ECHDC1: variants seen among roughly 807,000 people sequenced by gnomAD.
The protein encoded by ECHDC1 is ethylmalonyl-CoA decarboxylase 1, also known as ethylmalonyl-CoA decarboxylase.
In ECHDC1, 29 loss-of-function variants were observed where a neutral mutation model predicts 29.7. The observed-to-expected ratio is 0.98, with a 90% CI of 0.73 to 1.33. The LOEUF is 1.33. Among genes scored for constraint, ECHDC1 ranks in the 40% most tolerant of loss-of-function variants. The pLI is 0.00. For synonymous variants in ECHDC1, 126 were observed against 123.1 expected, an observed-to-expected ratio of 1.02 and a Z score of -0.15; for missense variants, 328 against 350.0, an observed-to-expected ratio of 0.94 and a Z score of 0.50.
intron 5 of ECHDC1, among the ~76,000 whole-genome samples, chr6:127,305,596 A>C (rs1781379204): frequency 6.6e-6 from 1 of 152,166 alleles, no homozygotes; most frequent in Non-Finnish European, 1.5e-5. Context: ...AAAAATAATA[A>C]CTACAACTTT....
At chr6:127,312,814 T>C (rs7453272) in intron 5 of ECHDC1, among the ~76,000 whole-genome samples, 120,256 of 152,094 alleles carry the variant, frequency 0.79, 48,050 homozygotes, top group African/African-American at 0.9. Context: ...TGAATATCCA[T>C]GCAATAAAAT....
At position 127,334,665 on chromosome 6, in the gene ECHDC1, T is replaced by A. The variant is rs536515284; in HGVS notation, c.-2-3635A>T. On this transcript the variant is annotated intron_variant, in intron 1 of 5. Coordinates refer to ENST00000454859, the MANE Select transcript of ECHDC1 (RefSeq NM_001002030.2). ...AATACAGAACACCAAATAACCAGAG[T>A]CCCACAAATTTACCATGCTATTTTA... Among the ~76,000 whole-genome samples, 26 of 152,024 alleles carry A rather than the reference T, an allele frequency of 1.7e-4. No homozygotes were observed. The East Asian group carries it at 5.0e-3, about 29-fold the overall frequency.
intron 4 of ECHDC1, chr6:127,315,975 C>T (rs748136189): frequency 2.1e-6 from 1 of 470,732 alleles, no homozygotes; most frequent in Non-Finnish European, 4.4e-6. Flanking sequence ...GCTTCTTTAC[C>T]TAGGTGCAAA....
chr6:127,305,074 A>T (rs963362089), intron 5 of ECHDC1, among the ~76,000 whole-genome samples: 1 of 152,174 alleles, frequency 6.6e-6, no homozygotes, highest in Non-Finnish European at 1.5e-5. Context: ...ATAGAGCAGC[A>T]AAGCAGATTG....
chr6:127,337,951 G>A (rs1029336038), intron 1 of ECHDC1, among the ~76,000 whole-genome samples: 2 of 152,140 alleles, frequency 1.3e-5, no homozygotes, highest in Non-Finnish European at 2.9e-5. Context: ...TAAAAACATA[G>A]TAACTGGATT....
chr6:127,308,640 G>A (rs1393850853), intron 5 of ECHDC1, among the ~76,000 whole-genome samples: 1 of 152,120 alleles, frequency 6.6e-6, no homozygotes, highest in Non-Finnish European at 1.5e-5. Context: ...ACATAGTACT[G>A]GAAGTCCTAG....
chr6:127,296,927 T>C (rs9375499), intron 5 of ECHDC1, among the ~76,000 whole-genome samples: 111,048 of 151,932 alleles, frequency 0.73, 40,730 homozygotes, highest in East Asian at 0.78. Context: ...ATGACTTGAG[T>C]CCTAGAGGCG....
chr6:127,316,636 T>C (rs1225041622), intron 3 of ECHDC1, 134 bp from the exon 4 acceptor site: 1 of 671,308 alleles, frequency 1.5e-6, no homozygotes. Flanking sequence ...CATTTAAAAC[T>C]CTTTGATGTT....
In ECHDC1 at chr6:127,292,386, T is replaced by A. The variant is rs1163327675; in HGVS notation, c.498-2109A>T. ...GCCTTATTTTATAAGGTAAAGTGTG[T>A]CTTTTGGAATCATATTTTACAACTC... On this transcript the variant is annotated intron_variant, in intron 5 of 5. Coordinates refer to ENST00000454859, the MANE Select transcript of ECHDC1 (RefSeq NM_001002030.2). Among the ~76,000 whole-genome samples, 5 of 152,114 alleles carry A rather than the reference T, an allele frequency of 3.3e-5. No individual in the cohort carries two copies. In the East Asian group the frequency reaches 9.6e-4, roughly 29 times the overall value.
At chr6:127,331,682 A>G (rs1228133107) in intron 1 of ECHDC1, 1 of 408,038 alleles carries the variant, frequency 2.5e-6, no homozygotes, top group African/African-American at 2.2e-5. Context: ...TTTGCATCAC[A>G]TGCTTCTTCA....
chr6:127,342,271 A>G (rs1785018682), intron 1 of ECHDC1: 4 of 1,390,452 alleles, frequency 2.9e-6, no homozygotes, highest in Non-Finnish European at 3.9e-6. Flanking sequence ...GCCTAAAGAT[A>G]ATATTCTTAA....
chr6:127,316,088 T>TG (rs1782347947), intron 4 of ECHDC1: 1 of 471,912 alleles, frequency 2.1e-6, no homozygotes, highest in Admixed American at 2.3e-5. Flanking sequence ...TCTACTAATT[T>TG]GGAATATTAG....
chr6:127,316,321 A>C (rs988417561), intron 4 of ECHDC1, 129 bp downstream of exon 4: 7 of 723,176 alleles, frequency 9.7e-6, no homozygotes, highest in Non-Finnish European at 1.6e-5. Flanking sequence ...GCACAAAAAA[A>C]TAGTACATCA....
chr6:127,341,254 C>T (rs1426740944), intron 1 of ECHDC1, among the ~76,000 whole-genome samples: 2 of 152,168 alleles, frequency 1.3e-5, no homozygotes, highest in Admixed American at 6.5e-5. Context: ...GATTCACTGA[C>T]CCCAAGTTTA....
In ECHDC1 at chr6:127,289,680, G is replaced by A. The variant is rs188191165; in HGVS notation, c.*189C>T. The A allele has an allele frequency of 2.2e-5, 13 of 597,754 alleles. No homozygotes were observed. In the East Asian group the frequency reaches 3.8e-4, roughly 17 times the overall value. The allele number at this position is 597,754 out of a possible 1,614,324, so 37.0% of individuals were successfully genotyped here. A position where few individuals can be genotyped will look rare whatever the true frequency, so the allele number is the denominator to read the frequency against. ...TTAGCTAAATGTTCCAGATTACGCA[G>A]TAAATACCCAAGTGAGTAATTGGCA... On this transcript the variant is annotated 3_prime_UTR_variant, in exon 6 of 6. Transcript: ENST00000454859.
intron 1 of ECHDC1, among the ~76,000 whole-genome samples, chr6:127,338,846 A>G (rs985873727): frequency 6.6e-6 from 1 of 152,198 alleles, no homozygotes; most frequent in African/African-American, 2.4e-5. Context: ...ATACCAGTTG[A>G]GTCACCTAAC....
chr6:127,330,678 G>T, intron 2 of ECHDC1, 131 bp downstream of exon 2: 40 of 671,014 alleles, frequency 6.0e-5, no homozygotes, highest in East Asian at 8.5e-5. Context: ...TGTTGTTTTT[G>T]TTATTTTTCT....
At chr6:127,297,607 GA>G (rs956456092) in intron 5 of ECHDC1, among the ~76,000 whole-genome samples, 1 of 152,122 alleles carries the variant, frequency 6.6e-6, no homozygotes, top group African/African-American at 2.4e-5. Context: ...GGGCTTCCAG[GA>G]AAAAGGTTCC....
At chr6:127,294,377 C>T (rs1359261533) in intron 5 of ECHDC1, 3 of 152,156 alleles carry the variant, frequency 2.0e-5, no homozygotes, top group Admixed American at 1.3e-4. Context: ...AATTATGCCT[C>T]GAACATAAAC....
Sources: allele counts gnomAD v4.1 joint callset (sites outside exome capture counted in the v4.1 genomes callset), GRCh38; gene constraint gnomAD v4.1.1; transcripts MANE v1.5; gene names NCBI Gene and HGNC (gene_info 2026-07-23, HGNC 2026-07-21).